Variants in RIC8B observed in about 807,000 individuals in gnomAD.
RIC8B encodes the protein RIC8 guanine nucleotide exchange factor B.
In RIC8B, 16 loss-of-function variants were observed where a neutral mutation model predicts 57.5. That is an observed-to-expected ratio of 0.28 (90% confidence interval 0.19 to 0.42). RIC8B has a LOEUF of 0.42. Among genes scored for constraint, RIC8B ranks in the 10% least tolerant of loss-of-function variants. The pLI is 1.00. For synonymous variants in RIC8B, 216 were observed against 250.8 expected (o/e 0.86, Z 1.31); for missense variants, 481 against 677.0 (o/e 0.71, Z 3.21).
intron 2 of RIC8B, among the ~76,000 whole-genome samples, chr12:106,796,382 C>T (rs1172455395): frequency 6.6e-6 from 1 of 151,890 alleles, no homozygotes; most frequent in African/African-American, 2.4e-5. Flanking sequence ...CCCTCCATCT[C>T]TAAAAAGAAA....
At chr12:106,786,059 C>T (rs1274947617) in intron 2 of RIC8B, among the ~76,000 whole-genome samples, 1 of 151,050 alleles carries the variant, frequency 6.6e-6, no homozygotes, top group Non-Finnish European at 1.5e-5. Context: ...GTTGCTCAGG[C>T]TGGCCTCAAG....
chr12:106,820,822 A>G (rs966511474), intron 3 of RIC8B, among the ~76,000 whole-genome samples: 3 of 152,230 alleles, frequency 2.0e-5, no homozygotes, highest in African/African-American at 7.2e-5. Flanking sequence ...TCTGTCATTA[A>G]GATGTGAAAG....
chr12:106,877,234 C>T (rs1036483755), intron 9 of RIC8B, among the ~76,000 whole-genome samples: 2 of 151,984 alleles, frequency 1.3e-5, no homozygotes, highest in African/African-American at 4.8e-5. Flanking sequence ...AATTAAATAG[C>T]GTCAGGTATT....
At chr12:106,883,915 T>C (rs1951067682) in intron 9 of RIC8B, among the ~76,000 whole-genome samples, 1 of 151,478 alleles carries the variant, frequency 6.6e-6, no homozygotes, top group South Asian at 2.1e-4. Context: ...CCCTCCTTCA[T>C]TGAACCTCAC....
chr12:106,837,466 T>A (rs528677794), intron 4 of RIC8B, among the ~76,000 whole-genome samples: 5 of 152,262 alleles, frequency 3.3e-5, no homozygotes, highest in African/African-American at 1.2e-4. Flanking sequence ...TTTAAAAAAA[T>A]TTTATTTACT....
At chr12:106,869,611 T>C (rs1160307433) in intron 8 of RIC8B, among the ~76,000 whole-genome samples, 1 of 152,186 alleles carries the variant, frequency 6.6e-6, no homozygotes, top group East Asian at 1.9e-4. Flanking sequence ...TTATTAGCAA[T>C]TGCTATTTGC....
intron 9 of RIC8B, among the ~76,000 whole-genome samples, chr12:106,873,706 T>C (rs540183456): frequency 6.6e-6 from 1 of 152,268 alleles, no homozygotes; most frequent in African/African-American, 2.4e-5. Flanking sequence ...TGTAATCTAG[T>C]CTAGAATACA....
At chr12:106,860,171 A>G (rs1025229019) in intron 7 of RIC8B, 97 bp from the exon 8 acceptor site, 30 of 1,061,294 alleles carry the variant, frequency 2.8e-5, no homozygotes, top group Non-Finnish European at 3.9e-5. Context: ...GTTTACTGCC[A>G]TAGTGTGTGT....
intron 4 of RIC8B, among the ~76,000 whole-genome samples, chr12:106,832,566 G>GAA (rs5800719): frequency 0.037 from 5,257 of 143,288 alleles, 118 homozygotes; most frequent in South Asian, 0.081. Context: ...GACTCTGTAT[G>GAA]AAAAAAAAAA....
At chr12:106,856,837 A>T (rs1949733077) in intron 7 of RIC8B, among the ~76,000 whole-genome samples, 1 of 152,214 alleles carries the variant, frequency 6.6e-6, no homozygotes, top group South Asian at 2.1e-4. Context: ...TGGTGAATAC[A>T]GGGTCCCATT....
chr12:106,796,598 A>C (rs1434130946), intron 2 of RIC8B, among the ~76,000 whole-genome samples: 1 of 152,236 alleles, frequency 6.6e-6, no homozygotes, highest in East Asian at 1.9e-4. Context: ...TTAGGAGAAA[A>C]CATAAAGGTA....
chr12:106,880,119 G>A (rs1048307006), intron 9 of RIC8B, among the ~76,000 whole-genome samples: 1 of 139,088 alleles, frequency 7.2e-6, no homozygotes, highest in Non-Finnish European at 1.6e-5. Context: ...CCTGTTTATT[G>A]AGGGCCATGA....
intron 7 of RIC8B, among the ~76,000 whole-genome samples, chr12:106,859,164 G>T (rs1949829681): frequency 6.6e-6 from 1 of 152,064 alleles, no homozygotes; most frequent in Admixed American, 6.6e-5. Context: ...ACAACATTCT[G>T]TTAAAGACCT....
intron 2 of RIC8B, 133 bp from the exon 3 acceptor site, chr12:106,814,563 G>A (rs1036285645): frequency 2.7e-5 from 25 of 931,662 alleles, no homozygotes; most frequent in East Asian, 1.3e-4. Context: ...CTAACATTCC[G>A]TGATTTAAAA....
intron 6 of RIC8B, among the ~76,000 whole-genome samples, chr12:106,847,317 A>G (rs191084856): frequency 6.6e-6 from 1 of 152,332 alleles, no homozygotes; most frequent in East Asian, 1.9e-4. Flanking sequence ...AATTTGTTTT[A>G]AGGAACCAAA....
At chr12:106,796,882 A>G (rs940190385) in intron 2 of RIC8B, among the ~76,000 whole-genome samples, 2 of 152,256 alleles carry the variant, frequency 1.3e-5, no homozygotes, top group Admixed American at 1.3e-4. Context: ...CTGACTAGAC[A>G]CTTTTCCAAA....
rs1325758315 is a variant in RIC8B at position 106,837,277 on chromosome 12, G to A, written c.837-5312G>A. 1.6e-4 allele frequency among the ~76,000 whole-genome samples: 25 copies of A among 151,938 alleles called. 1 individual carries two copies. Among genetic ancestry groups the A allele is most frequent in the Admixed American group, 1.5e-3 (23 of 15,260 alleles). Reference sequence around the variant, plus strand: ...CTCAGGAGGCTGAGGCAGGAGAATCGCTTGAACCCAGGAGGCGGAGGTTGC... The same window carrying A: ...CTCAGGAGGCTGAGGCAGGAGAATCACTTGAACCCAGGAGGCGGAGGTTGC... On this transcript the variant is annotated intron_variant, in intron 4 of 9. Coordinates refer to ENST00000392837, the MANE Select transcript of RIC8B (RefSeq NM_001330145.2).
intron 5 of RIC8B, among the ~76,000 whole-genome samples, 170 bp from the exon 6 acceptor site, chr12:106,843,682 G>A (rs377592290): frequency 7.6e-6 from 1 of 131,796 alleles, no homozygotes; most frequent in Non-Finnish European, 1.5e-5. Flanking sequence ...AGATTGCGCC[G>A]CTGCACTCCA....
At chr12:106,776,034 C>A (rs772296125) in intron 1 of RIC8B, among the ~76,000 whole-genome samples, 6 of 152,086 alleles carry the variant, frequency 3.9e-5, no homozygotes, top group Non-Finnish European at 8.8e-5. Context: ...TCCCAACAAC[C>A]CTGGGAGGAG....
Sources: allele counts gnomAD v4.1 joint callset (sites outside exome capture counted in the v4.1 genomes callset), GRCh38; gene constraint gnomAD v4.1.1; transcripts MANE v1.5; gene names NCBI Gene and HGNC (gene_info 2026-07-23, HGNC 2026-07-21).